The following TTPAL variants were observed in gnomAD, a reference collection of about 807,000 sequenced individuals.
TTPAL encodes the protein alpha-tocopherol transfer protein-like.
TTPAL carries 21 observed loss-of-function variants against 28.7 expected under a neutral mutation model. That is an observed-to-expected ratio of 0.73 (90% confidence interval 0.52 to 1.06). The LOEUF is 1.06. Among genes scored for constraint, TTPAL ranks in the 50% least tolerant of loss-of-function variants. The pLI, the probability that TTPAL is intolerant of heterozygous loss-of-function variation, is 0.00. For missense variants in TTPAL, 345 were observed against 425.5 expected, an observed-to-expected ratio of 0.81 and a Z score of 1.67; for synonymous variants, 169 against 171.9, an observed-to-expected ratio of 0.98 and a Z score of 0.13.
chr20:44,480,222 T>C lies in TTPAL; in HGVS notation c.223T>C (p.Ser75Pro). The C allele has an allele frequency of 1.2e-6, 2 of 1,614,094 alleles. No homozygotes were observed. Among genetic ancestry groups the C allele is most frequent in the South Asian group, 2.2e-5 (2 of 91,072 alleles). ...VRKEYPNLST[S>P]LDDAFLLRFL... ...GAAGGAGTACCCCAACCTGAGCACA[T>C]CCCTCGACGATGCCTTCCTGCTGCG... Residue 75 changes from serine (S) to proline (P), a missense_variant, in exon 2 of 5, where the codon TCC becomes CCC. Coordinates refer to ENST00000262605, the MANE Select transcript of TTPAL (RefSeq NM_001039199.3). This position sits in a 1 kb window ranked among gnomAD's most constrained non-coding sequence, Gnocchi z 4.1.
chr20:44,480,956 C>A lies in TTPAL; in HGVS notation c.445+512C>A, dbSNP rs1408391201. Among the ~76,000 whole-genome samples the A allele has an allele frequency of 6.6e-6, 1 of 152,114 alleles. No homozygotes were observed. Among genetic ancestry groups the A allele is most frequent in the Non-Finnish European group, 1.5e-5 (1 of 68,018 alleles). On this transcript the variant is annotated intron_variant, in intron 2 of 4. Coordinates refer to ENST00000262605, the MANE Select transcript of TTPAL (RefSeq NM_001039199.3). The surrounding 1 kb of genome is among the most constrained non-coding windows in gnomAD (Gnocchi z 4.1). ...ATCTGGTGGGGCCTAAGAATCTGCC[C>A]CTGGCCATAGGATACAAGCATGACT... is the stretch of plus-strand genomic sequence containing the variant.
intron 2 of TTPAL, among the ~76,000 whole-genome samples, chr20:44,482,719 A>AT (rs1020449013): frequency 1.8e-4 from 27 of 149,104 alleles, no homozygotes; most frequent in South Asian, 8.5e-4. Context: ...GGGCATTCTC[A>AT]TTTTTTTTTT....
chr20:44,489,131 T>G (rs1652990664), intron 4 of TTPAL, 132 bp from the exon 5 acceptor site: 1 of 1,011,960 alleles, frequency 9.9e-7, no homozygotes. Context: ...GCTGAAAAAG[T>G]AAGGGTAGAG....
At chr20:44,486,535 G>A in intron 3 of TTPAL, 61 bp from the exon 4 acceptor site, 1 of 996,922 alleles carries the variant, frequency 1.0e-6, no homozygotes, top group Non-Finnish European at 1.6e-6. Context: ...ATTTAACTTG[G>A]GGGAGGAAGG....
chr20:44,487,653 A>G (rs1210976744), intron 4 of TTPAL, among the ~76,000 whole-genome samples: 1 of 152,252 alleles, frequency 6.6e-6, no homozygotes, highest in Non-Finnish European at 1.5e-5. Flanking sequence ...CTGACCCAGA[A>G]GAGCCAATTC....
chr20:44,489,153 A>C, intron 4 of TTPAL, 110 bp from the exon 5 acceptor site: 2 of 1,259,752 alleles, frequency 1.6e-6, no homozygotes, highest in Non-Finnish European at 2.2e-6. Flanking sequence ...TGCCATTAAC[A>C]TTTCCTTTCT....
At position 44,480,259 on chromosome 20, in the gene TTPAL, C is replaced by T. The variant is rs746844128; in HGVS notation, c.260C>T (p.Ala87Val). 6.2e-7 allele frequency: 1 copy of T among 1,614,190 alleles called. No homozygotes were observed. Among genetic ancestry groups the T allele is most frequent in the South Asian group, 1.1e-5 (1 of 91,086 alleles). ...DDAFLLRFLR[A>V]RKFDYDRALQ... ...GCCTTCCTGCTGCGCTTCCTCCGAG[C>T]CCGCAAGTTTGATTACGACCGGGCC... is the stretch of plus-strand genomic sequence containing the variant. The change falls in exon 2 of 5, where the codon GCC (alanine) becomes GTC (valine). Residue 87 changes from alanine to valine, a missense_variant. Physicochemically the swap from Ala to Val is moderately conservative, Grantham distance 64. Transcript: ENST00000262605. This position sits in a 1 kb window ranked among gnomAD's most constrained non-coding sequence, Gnocchi z 4.1.
Position 44,479,991 on chromosome 20 carries a change from T to TG in TTPAL, c.-7dup. ...AGGGCTTCTCTGTTGGCAGGGACCT[T>TG]GGTAGCTAATGTCCGAAGAAAGTGA... On this transcript the variant is annotated 5_prime_UTR_variant, in exon 2 of 5. Coordinates refer to ENST00000262605, the MANE Select transcript of TTPAL (RefSeq NM_001039199.3). The TG allele has an allele frequency of 6.2e-7, 1 of 1,610,742 alleles. No individual in the cohort carries two copies. Among genetic ancestry groups the TG allele is most frequent in the Admixed American group, 1.7e-5 (1 of 59,756 alleles).
intron 3 of TTPAL, 39 bp downstream of exon 3, chr20:44,484,569 C>T (rs2064135566): frequency 2.0e-6 from 3 of 1,481,052 alleles, no homozygotes; most frequent in African/African-American, 1.4e-5. Flanking sequence ...CGTGGTGGCT[C>T]TGGCTTTCCC....
At position 44,489,417 on chromosome 20, in the gene TTPAL, G is replaced by A. The variant is rs775522840; in HGVS notation, c.905G>A (p.Cys302Tyr). ...ASEDDFVKEF[C>Y]QPVPACDSIL... ...GAAGACGATTTTGTGAAAGAGTTCT[G>A]CCAACCTGTTCCTGCCTGTGACAGC... The change falls in exon 5 of 5, where the codon TGC (cysteine) becomes TAC (tyrosine). Residue 302 changes from cysteine (C) to tyrosine (Y), a missense_variant. Physicochemically the swap from Cys to Tyr is radical, Grantham distance 194. Coordinates refer to ENST00000262605, the MANE Select transcript of TTPAL (RefSeq NM_001039199.3). 5 of 1,614,154 alleles carry A rather than the reference G, an allele frequency of 3.1e-6. 1 individual carries two copies. The highest frequency in any genetic ancestry group is 2.2e-5 in the South Asian group (2 of 91,074).
chr20:44,482,224 A>G (rs1471602639), intron 2 of TTPAL, among the ~76,000 whole-genome samples: 1 of 152,206 alleles, frequency 6.6e-6, no homozygotes, highest in Non-Finnish European at 1.5e-5. Flanking sequence ...AGCTGGCACA[A>G]TTTGGGGACA....
Position 44,486,658 on chromosome 20 carries a change from C to G in TTPAL, c.702C>G (p.Gly234=). Residue 234 remains glycine, a synonymous_variant, in exon 4 of 5, where the codon GGC becomes GGG. Coordinates refer to ENST00000262605, the MANE Select transcript of TTPAL (RefSeq NM_001039199.3). ...HVVNEPRIFK[G]IFAIIKPFLK... ...TGAATGAACCTCGAATATTTAAAGG[C>G]ATTTTTGCCATCATAAAACCATTTC... The G allele has an allele frequency of 6.2e-7, 1 of 1,613,420 alleles. No individual in the cohort carries two copies.
intron 1 of TTPAL, among the ~76,000 whole-genome samples, chr20:44,477,643 C>CTATT (rs200146629): frequency 0.086 from 12,910 of 149,896 alleles, 631 homozygotes; most frequent in South Asian, 0.16. Context: ...ATCTATCTAT[C>CTATT]TATTTATTTA....
chr20:44,481,890 C>A (rs1056242238), intron 2 of TTPAL, among the ~76,000 whole-genome samples: 5 of 152,178 alleles, frequency 3.3e-5, no homozygotes, highest in Non-Finnish European at 2.9e-5. Context: ...ACTTAGAAAC[C>A]AGTCAGCAGG....
At chr20:44,481,791 T>C (rs542471395) in intron 2 of TTPAL, among the ~76,000 whole-genome samples, 2 of 152,340 alleles carry the variant, frequency 1.3e-5, no homozygotes, top group Non-Finnish European at 2.9e-5. Flanking sequence ...CCACTGTTAA[T>C]GGCTTACCTG....
Position 44,484,102 on chromosome 20 carries a change from A to G in TTPAL, c.446-235A>G, listed in dbSNP as rs111987568. Among the ~76,000 whole-genome samples, 521 of 152,318 alleles carry G rather than the reference A, an allele frequency of 3.4e-3. 3 individuals carry two copies. Among genetic ancestry groups the G allele is most frequent in the Non-Finnish European group, 5.6e-3 (382 of 68,020 alleles). ...GAGCCACTGTGCCCAGCCAGAGCTC[A>G]TGCTCTTAACCTCAACACTCAATTG... On this transcript the variant is annotated intron_variant, in intron 2 of 4. Coordinates refer to ENST00000262605, the MANE Select transcript of TTPAL (RefSeq NM_001039199.3).
rs924884547 is a variant in TTPAL, at chr20:44,494,137, G to A, written c.*4596G>A. 1.1e-4 allele frequency: 17 copies of A among 152,348 alleles called. No homozygotes were observed. Among genetic ancestry groups the A allele is most frequent in the Admixed American group, 8.5e-4 (13 of 15,284 alleles). The allele number at this position is 152,348 out of a possible 1,614,324, so 9.4% of individuals were successfully genotyped here. On this transcript the variant is annotated 3_prime_UTR_variant, in exon 5 of 5. Coordinates refer to ENST00000262605, the MANE Select transcript of TTPAL (RefSeq NM_001039199.3). The stretch of plus-strand genomic sequence containing the variant: ...CAGTCAACAGGAGCTTGCTTCATGC[G>A]AAGGATCAATGTGATTTGTGGATGG...
Position 44,492,174 on chromosome 20 carries a change from C to A in TTPAL, c.*2633C>A, listed in dbSNP as rs1330778593. The A allele has an allele frequency of 6.6e-6, 1 of 152,302 alleles. No individual in the cohort carries two copies. Among genetic ancestry groups the A allele is most frequent in the East Asian group, 1.9e-4 (1 of 5,328 alleles). The allele number at this position is 152,302 out of a possible 1,614,324, so 9.4% of individuals were successfully genotyped here. A position where few individuals can be genotyped will look rare whatever the true frequency, so the allele number is the denominator to read the frequency against. On this transcript the variant is annotated 3_prime_UTR_variant, in exon 5 of 5. Coordinates refer to ENST00000262605, the MANE Select transcript of TTPAL (RefSeq NM_001039199.3). ...CTCCCTGCGTGAAAATCAAGGTGGT[C>A]TCCTTGTGGCTTCACCAGGATGTTT...
intron 2 of TTPAL, among the ~76,000 whole-genome samples, chr20:44,484,036 C>T (rs1056417194): frequency 6.6e-6 from 1 of 152,156 alleles, no homozygotes; most frequent in African/African-American, 2.4e-5. Flanking sequence ...ATGCTTAATT[C>T]CTCCCACCTC....
Sources: allele counts gnomAD v4.1 joint callset (sites outside exome capture counted in the v4.1 genomes callset), GRCh38; gene constraint gnomAD v4.1.1; non-coding constraint Gnocchi (gnomAD v3.1); transcripts MANE v1.5; gene names NCBI Gene and HGNC (gene_info 2026-07-23, HGNC 2026-07-21).